Variants in MYO1B observed in about 807,000 individuals in gnomAD.
MYO1B encodes the protein unconventional myosin-Ib.
MYO1B carries 72 observed loss-of-function variants against 159.7 expected under a neutral mutation model. The observed-to-expected ratio is 0.45, with a 90% CI of 0.37 to 0.55. The LOEUF is 0.55. Among genes scored for constraint, MYO1B ranks in the 20% least tolerant of loss-of-function variants. The pLI is 0.00. For synonymous variants in MYO1B, 468 were observed against 473.8 expected, an observed-to-expected ratio of 0.99 and a Z score of 0.16; for missense variants, 1,062 against 1,364.8, an observed-to-expected ratio of 0.78 and a Z score of 3.50.
Position 191,363,725 on chromosome 2 carries a change from C to T in MYO1B, c.766-3C>T. On this transcript the variant is annotated splice_polypyrimidine_tract_variant and splice_region_variant and intron_variant, in intron 9 of 30. Transcript: ENST00000392318. Reference sequence around the variant, plus strand: ...ATAGTTGCTTTTTTTTTTCTCTCCCCAGAATGCCATGCAGATTGTGGGCTT... The same window carrying T: ...ATAGTTGCTTTTTTTTTTCTCTCCCTAGAATGCCATGCAGATTGTGGGCTT... 1 of 1,593,264 alleles carries T rather than the reference C, an allele frequency of 6.3e-7. No individual in the cohort carries two copies. Among genetic ancestry groups the T allele is most frequent in the East Asian group, 2.2e-5 (1 of 44,792 alleles).
At chr2:191,381,230 A>T in intron 13 of MYO1B, 2 of 552,024 alleles carry the variant, frequency 3.6e-6, no homozygotes, top group Non-Finnish European at 6.6e-6. Context: ...AAAAGTCTTC[A>T]TCCTTCAAAT....
chr2:191,305,906 A>G (rs182816797), intron 3 of MYO1B, among the ~76,000 whole-genome samples: 2 of 152,248 alleles, frequency 1.3e-5, no homozygotes, highest in Admixed American at 6.5e-5. Flanking sequence ...GGCTCAGGAG[A>G]GAATTTTCTA....
chr2:191,334,904 A>T (rs1488507375), intron 4 of MYO1B, among the ~76,000 whole-genome samples: 1 of 152,152 alleles, frequency 6.6e-6, no homozygotes, highest in African/African-American at 2.4e-5. Context: ...CAGGCAAAAC[A>T]AGCAACCAAA....
intron 3 of MYO1B, among the ~76,000 whole-genome samples, chr2:191,320,181 A>G (rs1469478982): frequency 6.6e-6 from 1 of 152,216 alleles, no homozygotes; most frequent in Non-Finnish European, 1.5e-5. Context: ...AACAGGCAAC[A>G]CGGACCAGAT....
intron 4 of MYO1B, among the ~76,000 whole-genome samples, chr2:191,339,991 A>C (rs1692109078): frequency 6.6e-6 from 1 of 152,186 alleles, no homozygotes; most frequent in African/African-American, 2.4e-5. Flanking sequence ...GTAGGCAGAG[A>C]GACCCTCCAA....
At chr2:191,274,167 A>T (rs540472319) in intron 1 of MYO1B, among the ~76,000 whole-genome samples, 3 of 152,190 alleles carry the variant, frequency 2.0e-5, no homozygotes, top group Non-Finnish European at 4.4e-5. Flanking sequence ...GCATGATTCA[A>T]TGACTCTTGG....
chr2:191,296,335 T>TA, intron 3 of MYO1B, 109 bp downstream of exon 3: 1 of 468,648 alleles, frequency 2.1e-6, no homozygotes, highest in Non-Finnish European at 3.4e-6. Context: ...TTTGTCAGTT[T>TA]TTTTTAAAAA....
At chr2:191,260,261 T>TTTTTTTTTTTTTTTTTTTTA (rs1365312073) in intron 1 of MYO1B, among the ~76,000 whole-genome samples, 2 of 141,448 alleles carry the variant, frequency 1.4e-5, no homozygotes, top group East Asian at 2.1e-4. Flanking sequence ...AGGCTTTTTT[T>TTTTTTTTTTTTTTTTTTTTA]TTTTTTGAAT....
intron 24 of MYO1B, among the ~76,000 whole-genome samples, chr2:191,405,508 G>C (rs1239616318): frequency 6.6e-6 from 1 of 152,214 alleles, no homozygotes; most frequent in Non-Finnish European, 1.5e-5. Context: ...AGGAATCACT[G>C]TCTATGGCAG....
At chr2:191,366,852 C>T (rs1319224871) in intron 11 of MYO1B, among the ~76,000 whole-genome samples, 1 of 151,800 alleles carries the variant, frequency 6.6e-6, no homozygotes. Flanking sequence ...AGACACCCCG[C>T]ACCCCCATCA....
chr2:191,324,412 T>C (rs1357777725), intron 3 of MYO1B, among the ~76,000 whole-genome samples: 1 of 152,176 alleles, frequency 6.6e-6, no homozygotes, highest in Non-Finnish European at 1.5e-5. Flanking sequence ...GCTATAGTTC[T>C]TCATGGGTTG....
At chr2:191,345,381 A>G (rs1233098934) in intron 5 of MYO1B, among the ~76,000 whole-genome samples, 5 of 152,192 alleles carry the variant, frequency 3.3e-5, no homozygotes, top group Non-Finnish European at 5.9e-5. Flanking sequence ...TTCTACTACC[A>G]TGGCCCAGGT....
At chr2:191,300,739 G>A (rs1368915306) in intron 3 of MYO1B, among the ~76,000 whole-genome samples, 1 of 147,092 alleles carries the variant, frequency 6.8e-6, no homozygotes. Flanking sequence ...GTAGGTAGGT[G>A]GGACTATAGG....
At chr2:191,348,300 A>G (rs906591577) in intron 6 of MYO1B, among the ~76,000 whole-genome samples, 14 of 152,152 alleles carry the variant, frequency 9.2e-5, no homozygotes, top group African/African-American at 2.9e-4. Context: ...CTTCACAGAA[A>G]TCACCATCAT....
intron 2 of MYO1B, among the ~76,000 whole-genome samples, chr2:191,294,818 C>T (rs1339370005): frequency 2.6e-5 from 4 of 151,822 alleles, no homozygotes; most frequent in Admixed American, 2.0e-4. Flanking sequence ...ATAACCTGTT[C>T]AGTTTTCCTA....
intron 3 of MYO1B, among the ~76,000 whole-genome samples, chr2:191,304,298 C>A (rs1246899466): frequency 6.6e-6 from 1 of 152,180 alleles, no homozygotes; most frequent in South Asian, 2.1e-4. Context: ...CAGCCGGGCA[C>A]GTTGGCTCAC....
At chr2:191,248,026 G>C in intron 1 of MYO1B, 1 of 985,424 alleles carries the variant, frequency 1.0e-6, no homozygotes, top group Non-Finnish European at 1.2e-6. Context: ...GGTGGTGTTT[G>C]GCTAAGAAGG....
intron 1 of MYO1B, among the ~76,000 whole-genome samples, chr2:191,255,137 C>T (rs753088666): frequency 5.3e-5 from 8 of 152,086 alleles, no homozygotes; most frequent in Non-Finnish European, 1.0e-4. Flanking sequence ...CTATGTTGCC[C>T]AGGCTGGTCT....
chr2:191,341,451 T>G lies in MYO1B; in HGVS notation c.347-10T>G. Reference sequence around the variant, plus strand: ...TGTTATTGATTAATATGGCTTATTTTCATCCACAGAGGCCAGTAAGCTTGT... The same window carrying G: ...TGTTATTGATTAATATGGCTTATTTGCATCCACAGAGGCCAGTAAGCTTGT... On this transcript the variant is annotated splice_polypyrimidine_tract_variant and intron_variant, in intron 4 of 30. Transcript: ENST00000392318. The G allele has an allele frequency of 1.2e-6, 2 of 1,609,690 alleles. No individual in the cohort carries two copies. Among genetic ancestry groups the G allele is most frequent in the Non-Finnish European group, 1.7e-6 (2 of 1,177,912 alleles).
Sources: gnomAD v4.1 joint callset for allele counts (sites outside exome capture counted in the v4.1 genomes callset) on GRCh38, gnomAD v4.1.1 for gene constraint, MANE v1.5 for transcripts, NCBI Gene and HGNC (gene_info 2026-07-23, HGNC 2026-07-21) for gene names.